Variants in MAP4K5 observed in about 807,000 individuals in gnomAD.
MAP4K5 encodes mitogen-activated protein kinase kinase kinase kinase 5.
MAP4K5 carries 82 observed loss-of-function variants against 135.6 expected under a neutral mutation model. That is an observed-to-expected ratio of 0.60 (90% CI 0.51 to 0.73). The LOEUF (loss-of-function observed/expected upper bound fraction) is 0.73. MAP4K5 is among the 30% of genes least tolerant of loss of function. The pLI is 0.00. For synonymous variants in MAP4K5, 347 were observed against 335.0 expected (o/e 1.04, Z -0.39); for missense variants, 907 against 1,010.9 (o/e 0.90, Z 1.39).
chr14:50,546,524 G>C (rs1603013), intron 1 of MAP4K5, among the ~76,000 whole-genome samples: 2 of 152,230 alleles, frequency 1.3e-5, no homozygotes, highest in Non-Finnish European at 2.9e-5. Flanking sequence ...TTTTAAGTTT[G>C]TGTAAATTTA....
chr14:50,484,153 T>C (rs1019360960), intron 5 of MAP4K5, among the ~76,000 whole-genome samples: 1 of 152,136 alleles, frequency 6.6e-6, no homozygotes, highest in East Asian at 1.9e-4. Flanking sequence ...TATAAAATCA[T>C]AGAAAAAAAT....
chr14:50,421,936 G>A (rs2035743452), intron 32 of MAP4K5, among the ~76,000 whole-genome samples: 2 of 151,082 alleles, frequency 1.3e-5, no homozygotes, highest in Non-Finnish European at 2.9e-5. Flanking sequence ...CTGTCGCCCA[G>A]GCTGAAGTGC....
intron 9 of MAP4K5, chr14:50,472,582 G>A (rs1303969797): frequency 6.6e-6 from 1 of 152,110 alleles, no homozygotes. Flanking sequence ...AAATATGCAT[G>A]TAAACAATGT....
chr14:50,437,543 G>GT lies in MAP4K5; in HGVS notation c.1824-10dup. 1 of 1,583,158 alleles carries GT rather than the reference G, an allele frequency of 6.3e-7. No homozygotes were observed. Among genetic ancestry groups the GT allele is most frequent in the Non-Finnish European group, 8.6e-7 (1 of 1,163,068 alleles). On this transcript the variant is annotated splice_polypyrimidine_tract_variant and intron_variant, in intron 25 of 32. Coordinates refer to ENST00000682126, the MANE Select transcript of MAP4K5 (RefSeq NM_006575.6). ...TTGTTAAAGCGAATTTTCTGAAAAC[G>GT]TAAGACGATATAAATGCACTCTACA...
intron 5 of MAP4K5, among the ~76,000 whole-genome samples, chr14:50,483,725 CAAA>C (rs59754773): frequency 3.4e-5 from 2 of 58,650 alleles, no homozygotes; most frequent in African/African-American, 5.4e-5. Context: ...TTAAAAGTTG[CAAA>C]AAAAAAAAAA....
chr14:50,478,222 T>C (rs927704478), intron 6 of MAP4K5, among the ~76,000 whole-genome samples: 2 of 152,172 alleles, frequency 1.3e-5, no homozygotes, highest in African/African-American at 2.4e-5. Flanking sequence ...TGTTATCTAA[T>C]ATTTGTAAAT....
intron 1 of MAP4K5, among the ~76,000 whole-genome samples, chr14:50,550,023 T>C (rs1409040998): frequency 6.6e-6 from 1 of 152,226 alleles, no homozygotes; most frequent in Non-Finnish European, 1.5e-5. Context: ...CAAGTGGCGA[T>C]GGCTACATGG....
intron 2 of MAP4K5, among the ~76,000 whole-genome samples, chr14:50,527,748 T>C (rs1388269545): frequency 6.6e-6 from 1 of 151,796 alleles, no homozygotes. Context: ...ATCAATCAGA[T>C]AAAGCAATAA....
intron 2 of MAP4K5, among the ~76,000 whole-genome samples, chr14:50,539,534 G>A (rs958870835): frequency 6.6e-5 from 10 of 152,188 alleles, no homozygotes; most frequent in African/African-American, 2.4e-4. Flanking sequence ...TTAATTAAAC[G>A]TGAGACCCAG....
At chr14:50,453,359 C>A (rs1461284347) in intron 14 of MAP4K5, among the ~76,000 whole-genome samples, 2 of 151,900 alleles carry the variant, frequency 1.3e-5, no homozygotes, top group Non-Finnish European at 2.9e-5. Flanking sequence ...TCTGTCTTGC[C>A]ATTCATAAAG....
At chr14:50,515,523 C>A (rs2140066600) in intron 2 of MAP4K5, among the ~76,000 whole-genome samples, 1 of 152,276 alleles carries the variant, frequency 6.6e-6, no homozygotes, top group East Asian at 1.9e-4. Context: ...CTCTATTGTA[C>A]TAGCCTGGCA....
chr14:50,490,638 T>C (rs1169695185), intron 3 of MAP4K5, among the ~76,000 whole-genome samples: 1 of 152,196 alleles, frequency 6.6e-6, no homozygotes, highest in African/African-American at 2.4e-5. Context: ...ACTGCAACTC[T>C]AAACTACAAT....
chr14:50,494,310 A>G (rs1162091747), intron 3 of MAP4K5, among the ~76,000 whole-genome samples: 1 of 151,928 alleles, frequency 6.6e-6, no homozygotes, highest in Non-Finnish European at 1.5e-5. Context: ...CTGGGACTAT[A>G]GGCACATGCC....
chr14:50,511,426 T>C (rs1419506691), intron 2 of MAP4K5, among the ~76,000 whole-genome samples: 1 of 151,960 alleles, frequency 6.6e-6, no homozygotes, highest in South Asian at 2.1e-4. Flanking sequence ...AAGGGAGGAA[T>C]AGGGAGAAAT....
At chr14:50,429,303 C>A in intron 28 of MAP4K5, 43 bp from the exon 29 acceptor site, 1 of 1,159,450 alleles carries the variant, frequency 8.6e-7, no homozygotes, top group Non-Finnish European at 1.2e-6. Flanking sequence ...CTTTTAAAAC[C>A]TAGAGCCTAG....
chr14:50,528,832 A>G (rs1395171079), intron 2 of MAP4K5, among the ~76,000 whole-genome samples: 1 of 152,192 alleles, frequency 6.6e-6, no homozygotes, highest in African/African-American at 2.4e-5. Context: ...AAAACGTCCT[A>G]GGATGTTCAG....
chr14:50,527,785 C>T (rs916228986), intron 2 of MAP4K5, among the ~76,000 whole-genome samples: 8 of 150,458 alleles, frequency 5.3e-5, no homozygotes, highest in Admixed American at 4.0e-4. Context: ...CATAGGATTG[C>T]CCAGTCTAAA....
Position 50,445,386 on chromosome 14 carries a change from C to A in MAP4K5, c.1186-192G>T, listed in dbSNP as rs571760447. On this transcript the variant is annotated intron_variant, in intron 17 of 32. Transcript: ENST00000682126. ...ATGTGATTTTTAATCAGCCTTAAAA[C>A]TGATAAAATTTTTATAACTAATATA... is the stretch of plus-strand genomic sequence containing the variant. Among the ~76,000 whole-genome samples the A allele has an allele frequency of 3.9e-4, 59 of 152,048 alleles. 1 individual carries two copies. Among genetic ancestry groups the A allele is most frequent in the African/African-American group, 1.4e-3 (57 of 41,498 alleles).
At chr14:50,448,893 G>A in intron 14 of MAP4K5, 61 bp from the exon 15 acceptor site, 1 of 616,886 alleles carries the variant, frequency 1.6e-6, no homozygotes, top group Non-Finnish European at 2.8e-6. Context: ...TCTCAGAAAT[G>A]TAATGACAAG....
Sources: allele counts gnomAD v4.1 joint callset (sites outside exome capture counted in the v4.1 genomes callset), GRCh38; gene constraint gnomAD v4.1.1; transcripts MANE v1.5; gene names NCBI Gene and HGNC (gene_info 2026-07-23, HGNC 2026-07-21).